The following FBXL7 variants were observed in gnomAD, a reference collection of about 807,000 sequenced individuals.
FBXL7 encodes the protein F-box and leucine rich repeat protein 7, also known as F-box/LRR-repeat protein 7.
Under a neutral mutation model 38.3 loss-of-function variants are expected in FBXL7, and 12 were observed. That is an observed-to-expected ratio of 0.31 (90% CI 0.20 to 0.51). FBXL7 has a LOEUF of 0.51. Among genes scored for constraint, FBXL7 ranks in the 20% least tolerant of loss-of-function variants. The pLI is 0.98. For synonymous variants in FBXL7, 297 were observed against 300.9 expected (o/e 0.99, Z 0.13); for missense variants, 567 against 676.4 (o/e 0.84, Z 1.79).
intron 2 of FBXL7, among the ~76,000 whole-genome samples, chr5:15,913,253 ATG>A (rs904090907): frequency 1.6e-4 from 20 of 126,986 alleles, no homozygotes; most frequent in African/African-American, 5.3e-4. Flanking sequence ...TTTTTTTTTA[ATG>A]TTTTTTTTTA....
chr5:15,575,825 C>T (rs896862814), intron 1 of FBXL7, among the ~76,000 whole-genome samples: 1 of 152,144 alleles, frequency 6.6e-6, no homozygotes, highest in East Asian at 1.9e-4. Context: ...TGTTTTAGCA[C>T]AATATGCCTG....
In FBXL7 at chr5:15,928,845, A is replaced by G. The variant is rs1741965364; in HGVS notation, c.739+344A>G. On this transcript the variant is annotated intron_variant, in intron 3 of 3. Coordinates refer to ENST00000504595, the MANE Select transcript of FBXL7 (RefSeq NM_012304.5). The surrounding 1 kb of genome is among the most constrained non-coding windows in gnomAD (Gnocchi z 4.0). ...GTCATTTAACATTAGGTGTATCTCC[A>G]CTTCTTACGGGAGTTCTTAGGGGAA... 6.6e-6 allele frequency among the ~76,000 whole-genome samples: 1 copy of G among 152,040 alleles called. No homozygotes were observed. Among genetic ancestry groups the G allele is most frequent in the Non-Finnish European group, 1.5e-5 (1 of 68,030 alleles).
chr5:15,558,053 G>A (rs982291898), intron 1 of FBXL7, among the ~76,000 whole-genome samples: 2 of 152,052 alleles, frequency 1.3e-5, no homozygotes, highest in African/African-American at 2.4e-5. Flanking sequence ...TTGGGGTGAC[G>A]GCAAATTTTG....
At chr5:15,627,546 T>C (rs1740859020) in intron 2 of FBXL7, among the ~76,000 whole-genome samples, 1 of 152,134 alleles carries the variant, frequency 6.6e-6, no homozygotes. Flanking sequence ...AAACATGGGG[T>C]TACAGATTGC....
chr5:15,876,253 G>A (rs1410543780), intron 2 of FBXL7, among the ~76,000 whole-genome samples: 1 of 152,042 alleles, frequency 6.6e-6, no homozygotes, highest in Non-Finnish European at 1.5e-5. Context: ...CTGTCAGAGG[G>A]TGGGGGGTTA....
chr5:15,729,301 T>G (rs1251578107), intron 2 of FBXL7, among the ~76,000 whole-genome samples: 1 of 152,170 alleles, frequency 6.6e-6, no homozygotes, highest in Non-Finnish European at 1.5e-5. Flanking sequence ...CTGGATAATT[T>G]AGCATTCCCT....
intron 2 of FBXL7, among the ~76,000 whole-genome samples, chr5:15,759,669 AGAT>A (rs1208303907): frequency 2.6e-5 from 4 of 152,234 alleles, no homozygotes; most frequent in African/African-American, 9.6e-5. Flanking sequence ...TGATAGGTAT[AGAT>A]GACATTAATT....
intron 2 of FBXL7, among the ~76,000 whole-genome samples, chr5:15,891,970 G>A (rs1740922127): frequency 6.6e-6 from 1 of 152,184 alleles, no homozygotes; most frequent in South Asian, 2.1e-4. Flanking sequence ...CAAAGCACCA[G>A]GCAGGAGGGA....
chr5:15,768,645 G>A (rs917683162), intron 2 of FBXL7, among the ~76,000 whole-genome samples: 4 of 152,184 alleles, frequency 2.6e-5, no homozygotes, highest in African/African-American at 7.2e-5. Flanking sequence ...AAGTTTGAGT[G>A]GGGGTGAACT....
intron 2 of FBXL7, among the ~76,000 whole-genome samples, chr5:15,833,861 T>A (rs1738520719): frequency 6.6e-6 from 1 of 152,222 alleles, no homozygotes; most frequent in East Asian, 1.9e-4. Flanking sequence ...TTCGTGATGA[T>A]ATTGACTACT....
intron 1 of FBXL7, among the ~76,000 whole-genome samples, chr5:15,521,288 C>A (rs1224235116): frequency 6.6e-6 from 1 of 152,190 alleles, no homozygotes; most frequent in Non-Finnish European, 1.5e-5. Flanking sequence ...TGCAATTCAG[C>A]AAATCTAAGA....
rs755505243 is a variant in FBXL7, at chr5:15,928,521, C to T, written c.739+20C>T. On this transcript the variant is annotated intron_variant, in intron 3 of 3. Transcript: ENST00000504595. The surrounding 1 kb of genome is among the most constrained non-coding windows in gnomAD (Gnocchi z 4.0). ...TGTCAGGTAAATGGACACTGACCTA[C>T]CAGCTATGGGCCCTCCTGGTGCACC... 5.0e-6 allele frequency: 8 copies of T among 1,594,702 alleles called. No homozygotes were observed. The highest frequency in any genetic ancestry group is 6.8e-6 in the Non-Finnish European group (8 of 1,168,930).
intron 1 of FBXL7, among the ~76,000 whole-genome samples, chr5:15,591,558 A>G (rs561125473): frequency 1.9e-4 from 29 of 152,286 alleles, no homozygotes; most frequent in African/African-American, 6.7e-4. Context: ...GGTAAATGGA[A>G]GGCCTAGGAC....
chr5:15,878,314 T>C (rs1257216056), intron 2 of FBXL7, among the ~76,000 whole-genome samples: 3 of 152,218 alleles, frequency 2.0e-5, no homozygotes, highest in Non-Finnish European at 4.4e-5. Context: ...CTGATACTTA[T>C]ACATACTGAA....
At chr5:15,919,351 T>G (rs1445710992) in intron 2 of FBXL7, among the ~76,000 whole-genome samples, 1 of 152,140 alleles carries the variant, frequency 6.6e-6, no homozygotes, top group Non-Finnish European at 1.5e-5. Flanking sequence ...TGAGATGTCT[T>G]GAATATTTTG....
At position 15,743,383 on chromosome 5, in the gene FBXL7, C is replaced by G. The variant is rs189676648; in HGVS notation, c.127+127311C>G. Among the ~76,000 whole-genome samples the G allele has an allele frequency of 8.5e-4, 130 of 152,342 alleles. 1 individual carries two copies. Among genetic ancestry groups the G allele is most frequent in the Non-Finnish European group, 1.2e-3 (80 of 68,034 alleles). ...AAACAAAGGGGCTACAGGCCTCATG[C>G]AAGTCTGAAATCCAAGTTGGTCAGT... On this transcript the variant is annotated intron_variant, in intron 2 of 3. Coordinates refer to ENST00000504595, the MANE Select transcript of FBXL7 (RefSeq NM_012304.5).
intron 2 of FBXL7, among the ~76,000 whole-genome samples, chr5:15,673,788 T>A (rs1479243328): frequency 6.6e-6 from 1 of 152,124 alleles, no homozygotes; most frequent in Non-Finnish European, 1.5e-5. Flanking sequence ...TATTTTTTTT[T>A]TTAGTATTCA....
chr5:15,901,375 C>A (rs1373818708), intron 2 of FBXL7, among the ~76,000 whole-genome samples: 1 of 152,154 alleles, frequency 6.6e-6, no homozygotes, highest in African/African-American at 2.4e-5. Flanking sequence ...TAATTCCATT[C>A]ATGAAGGTTC....
At chr5:15,761,761 G>T (rs1466279442) in intron 2 of FBXL7, among the ~76,000 whole-genome samples, 1 of 152,056 alleles carries the variant, frequency 6.6e-6, no homozygotes, top group Non-Finnish European at 1.5e-5. Flanking sequence ...CCCAGGCTGG[G>T]TCTCAAACTC....
Sources: gnomAD v4.1 joint callset for allele counts (sites outside exome capture counted in the v4.1 genomes callset) on GRCh38, gnomAD v4.1.1 for gene constraint, Gnocchi (gnomAD v3.1) non-coding constraint, MANE v1.5 for transcripts, NCBI Gene and HGNC (gene_info 2026-07-23, HGNC 2026-07-21) for gene names.